MAGI2: variants seen among roughly 807,000 people sequenced by gnomAD.
The protein encoded by MAGI2 is membrane-associated guanylate kinase, WW and PDZ domain-containing protein 2.
Under a neutral mutation model 133.3 loss-of-function variants are expected in MAGI2, and 35 were observed. That is an observed-to-expected ratio of 0.26 (90% confidence interval 0.20 to 0.35). MAGI2 has a LOEUF of 0.35. Ranked by LOEUF, MAGI2 falls within the 10% of genes least tolerant of loss-of-function variation. The pLI is 1.00. For synonymous variants in MAGI2, 729 were observed against 710.6 expected, an observed-to-expected ratio of 1.03 and a Z score of -0.41; for missense variants, 1,636 against 1,863.4, an observed-to-expected ratio of 0.88 and a Z score of 2.25.
At chr7:78,513,655 AG>A (rs1240343004) in intron 4 of MAGI2, among the ~76,000 whole-genome samples, 6 of 152,282 alleles carry the variant, frequency 3.9e-5, no homozygotes, top group African/African-American at 7.2e-5. Flanking sequence ...GAGAAACCTG[AG>A]GTGCTACTCT....
chr7:78,632,421 G>C (rs1428826257), intron 2 of MAGI2, among the ~76,000 whole-genome samples: 4 of 152,206 alleles, frequency 2.6e-5, no homozygotes, highest in Non-Finnish European at 4.4e-5. Context: ...AAGGGGAGCA[G>C]AGACCCACAA....
intron 2 of MAGI2, among the ~76,000 whole-genome samples, chr7:78,942,497 AC>A (rs777848871): frequency 1.5e-4 from 23 of 152,132 alleles, no homozygotes; most frequent in Non-Finnish European, 2.5e-4. Context: ...TTTGCCAAAA[AC>A]TACAGCTGCT....
At chr7:78,172,178 C>A (rs974204808) in intron 14 of MAGI2, among the ~76,000 whole-genome samples, 2 of 152,178 alleles carry the variant, frequency 1.3e-5, no homozygotes, top group South Asian at 2.1e-4. Flanking sequence ...AGAAAAAAAA[C>A]CAACAAGTAA....
At chr7:78,090,332 T>A (rs995050778) in intron 20 of MAGI2, among the ~76,000 whole-genome samples, 2 of 152,134 alleles carry the variant, frequency 1.3e-5, no homozygotes, top group Admixed American at 1.3e-4. Context: ...AAAGAGGGAG[T>A]GTATCTTTGT....
chr7:78,481,511 C>G (rs1042945802), intron 6 of MAGI2, among the ~76,000 whole-genome samples: 2 of 151,780 alleles, frequency 1.3e-5, no homozygotes, highest in African/African-American at 4.8e-5. Flanking sequence ...GGACATAGAG[C>G]CAAACCATAT....
chr7:79,334,971 T>G (rs1242863666), intron 1 of MAGI2, among the ~76,000 whole-genome samples: 1 of 152,172 alleles, frequency 6.6e-6, no homozygotes, highest in African/African-American at 2.4e-5. Flanking sequence ...TTTTAAATAC[T>G]AAGAAAAAGT....
chr7:78,221,987 C>A lies in MAGI2; in HGVS notation c.2048-20794G>T, dbSNP rs151061088. ...ATCGCTTGAGCCCAGGAGTTTCAGGCTGTAGTGAGCTATGATTGCATGACT... is the reference window on the plus strand; with the variant it reads ...ATCGCTTGAGCCCAGGAGTTTCAGGATGTAGTGAGCTATGATTGCATGACT... On this transcript the variant is annotated intron_variant, in intron 10 of 21. Transcript: ENST00000354212. Among the ~76,000 whole-genome samples the A allele has an allele frequency of 2.9e-3, 442 of 152,076 alleles. 4 individuals are homozygous for A. The highest frequency in any genetic ancestry group is 0.01 in the African/African-American group (418 of 41,522).
chr7:79,059,827 A>G (rs1021924410), intron 1 of MAGI2, among the ~76,000 whole-genome samples: 9 of 152,190 alleles, frequency 5.9e-5, no homozygotes, highest in Admixed American at 2.0e-4. Flanking sequence ...CTAGTTGATC[A>G]GTTCTGCCAA....
intron 2 of MAGI2, among the ~76,000 whole-genome samples, chr7:78,717,160 T>C (rs530663537): frequency 1.3e-5 from 2 of 152,260 alleles, no homozygotes; most frequent in South Asian, 2.1e-4. Flanking sequence ...CTGCGCTCGC[T>C]GGTGCTCCCC....
At chr7:78,903,695 A>AT (rs1008435645) in intron 2 of MAGI2, among the ~76,000 whole-genome samples, 4 of 151,848 alleles carry the variant, frequency 2.6e-5, no homozygotes, top group Admixed American at 1.3e-4. Flanking sequence ...GACATACAGA[A>AT]TTTTTTTACC....
chr7:78,874,281 CAT>C lies in MAGI2; in HGVS notation c.418+132807_418+132808del, dbSNP rs140970554. 3.2e-3 allele frequency among the ~76,000 whole-genome samples: 479 copies of C among 152,014 alleles called. 3 individuals are homozygous for C. The highest frequency in any genetic ancestry group is 0.011 in the African/African-American group (454 of 41,464). ...AAAATTGAAAAAATAGAGAAATTTG[CAT>C]ATATAGATATTAAGACAACAATAAT... On this transcript the variant is annotated intron_variant, in intron 2 of 21. Transcript: ENST00000354212.
intron 6 of MAGI2, among the ~76,000 whole-genome samples, chr7:78,445,147 C>T (rs1488680479): frequency 6.6e-6 from 1 of 151,836 alleles, no homozygotes; most frequent in South Asian, 2.1e-4. Context: ...ACGGCTCTAG[C>T]TTACACTTTA....
At chr7:78,581,478 TCAG>T (rs1427519202) in intron 3 of MAGI2, among the ~76,000 whole-genome samples, 4 of 152,166 alleles carry the variant, frequency 2.6e-5, no homozygotes, top group African/African-American at 9.7e-5. Flanking sequence ...TGACTGTAAA[TCAG>T]CAGTAGGGAG....
At chr7:79,130,705 A>C (rs1166931529) in intron 1 of MAGI2, among the ~76,000 whole-genome samples, 1 of 152,194 alleles carries the variant, frequency 6.6e-6, no homozygotes, top group Non-Finnish European at 1.5e-5. Context: ...AATGTTGTTA[A>C]CTATTATTAT....
intron 1 of MAGI2, among the ~76,000 whole-genome samples, chr7:79,273,656 ATTG>A (rs149970286): frequency 6.7e-6 from 1 of 149,672 alleles, no homozygotes; most frequent in Non-Finnish European, 1.5e-5. Context: ...GGGGTGTTCG[ATTG>A]TTGTTGTTGT....
chr7:78,944,458 C>T (rs150946904), intron 2 of MAGI2, among the ~76,000 whole-genome samples: 24 of 152,220 alleles, frequency 1.6e-4, no homozygotes, highest in African/African-American at 5.8e-4. Flanking sequence ...ACAACTATGG[C>T]ATTTCATTCA....
chr7:78,265,530 C>T (rs898080677), intron 9 of MAGI2, among the ~76,000 whole-genome samples: 5 of 152,118 alleles, frequency 3.3e-5, no homozygotes, highest in Admixed American at 2.6e-4. Flanking sequence ...AAATAGGTTA[C>T]TAGAAAAGAA....
rs544544361 is a variant in MAGI2, at chr7:78,462,859, T to C, written c.1045+26902A>G. Among the ~76,000 whole-genome samples the C allele has an allele frequency of 9.2e-5, 14 of 152,272 alleles. No individual in the cohort carries two copies. The South Asian group carries it at 2.9e-3, about 32-fold the overall frequency. On this transcript the variant is annotated intron_variant, in intron 6 of 21. Transcript: ENST00000354212. ...CGCGTGGTTCCTGAAAACGTAGTCT[T>C]TTGGTGAGCTGATGGCAGAATTCAC...
chr7:78,768,114 G>A (rs1271110569), intron 2 of MAGI2, among the ~76,000 whole-genome samples: 1 of 152,180 alleles, frequency 6.6e-6, no homozygotes, highest in East Asian at 1.9e-4. Flanking sequence ...TTAAATATGA[G>A]TGCCATCCAT....
Sources: allele counts gnomAD v4.1 joint callset (sites outside exome capture counted in the v4.1 genomes callset), GRCh38; gene constraint gnomAD v4.1.1; transcripts MANE v1.5; gene names NCBI Gene and HGNC (gene_info 2026-07-23, HGNC 2026-07-21).